Variants in FNDC3B observed in about 807,000 individuals in gnomAD.
FNDC3B encodes fibronectin type III domain-containing protein 3B.
In FNDC3B, 12 loss-of-function variants were observed where a neutral mutation model predicts 151.5. That is an observed-to-expected ratio of 0.08 (90% CI 0.05 to 0.13). The LOEUF (loss-of-function observed/expected upper bound fraction) is 0.13, where lower values mean the gene tolerates loss of function less well. FNDC3B is among the 10% of genes least tolerant of loss of function. The pLI is 1.00. For missense variants in FNDC3B, 1,214 were observed against 1,505.3 expected (o/e 0.81, Z 3.20); for synonymous variants, 528 against 549.0 (o/e 0.96, Z 0.54).
At chr3:172,199,925 T>A (rs9853317) in intron 3 of FNDC3B, among the ~76,000 whole-genome samples, 7 of 152,182 alleles carry the variant, frequency 4.6e-5, no homozygotes. Context: ...ATATGGTGGG[T>A]TCTCTGCGCG....
chr3:172,088,494 A>G (rs1231577756), intron 1 of FNDC3B, among the ~76,000 whole-genome samples: 1 of 152,328 alleles, frequency 6.6e-6, no homozygotes, highest in Non-Finnish European at 1.5e-5. Context: ...ATTAAATGTA[A>G]TGCCCATACA....
chr3:172,342,091 A>G (rs1365808506), intron 17 of FNDC3B, among the ~76,000 whole-genome samples: 1 of 152,222 alleles, frequency 6.6e-6, no homozygotes, highest in African/African-American at 2.4e-5. Context: ...TTTCAAGAGA[A>G]TACCTGCCAT....
intron 3 of FNDC3B, among the ~76,000 whole-genome samples, chr3:172,164,409 A>G (rs574458299): frequency 3.3e-5 from 5 of 152,314 alleles, no homozygotes; most frequent in Admixed American, 1.3e-4. Context: ...AGTATTCTCA[A>G]TATTAGGAAG....
intron 4 of FNDC3B, among the ~76,000 whole-genome samples, chr3:172,244,158 A>G (rs1332911816): frequency 6.6e-6 from 1 of 152,164 alleles, no homozygotes; most frequent in Non-Finnish European, 1.5e-5. Context: ...TTGAATATCC[A>G]GTCCTTAGCA....
rs141167349 is a variant in FNDC3B at position 172,064,297 on chromosome 3, C to T, written c.-29+24526C>T. ...GCCTTGATTTTGGACTTACCAACCC[C>T]GAGAACTGTAAGAAATGAATTTCTG... On this transcript the variant is annotated intron_variant, in intron 1 of 25. Transcript: ENST00000415807. Among the ~76,000 whole-genome samples the T allele has an allele frequency of 2.4e-3, 372 of 152,156 alleles. 7 individuals carry two copies. Among genetic ancestry groups the T allele is most frequent in the Admixed American group, 0.02 (303 of 15,282 alleles).
intron 3 of FNDC3B, among the ~76,000 whole-genome samples, chr3:172,216,193 G>T (rs990908462): frequency 6.6e-6 from 1 of 152,124 alleles, no homozygotes; most frequent in African/African-American, 2.4e-5. Context: ...GACTTTACTT[G>T]TTAAATATCA....
intron 3 of FNDC3B, among the ~76,000 whole-genome samples, chr3:172,147,298 C>A (rs1721962954): frequency 7.5e-6 from 1 of 132,640 alleles, no homozygotes; most frequent in African/African-American, 2.9e-5. Context: ...AGAGTGAGAC[C>A]CTGTCTCCAA....
chr3:172,224,896 G>A (rs1726471930), intron 3 of FNDC3B, among the ~76,000 whole-genome samples: 1 of 152,176 alleles, frequency 6.6e-6, no homozygotes, highest in Non-Finnish European at 1.5e-5. Flanking sequence ...AAATAGGCGA[G>A]CCAGCCACCA....
intron 1 of FNDC3B, among the ~76,000 whole-genome samples, chr3:172,066,658 A>G (rs1386370666): frequency 6.6e-6 from 1 of 152,228 alleles, no homozygotes; most frequent in African/African-American, 2.4e-5. Flanking sequence ...GACTGCTTTC[A>G]GTTACTCTTG....
chr3:172,378,295 A>G lies in FNDC3B; in HGVS notation c.3034A>G (p.Ser1012Gly), dbSNP rs1477376536. Residue 1012 changes from serine to glycine, a missense_variant, in exon 24 of 26, where the codon AGC becomes GGC. Ser to Gly is a moderately conservative substitution (Grantham distance 56). Coordinates refer to ENST00000415807, the MANE Select transcript of FNDC3B (RefSeq NM_022763.4). ...GTTTATTTCAATCTACAGAGGACCC[A>G]GCCACACCTACAAGGTCCAGAGACT... ...KRFISIYRGPSHTYKVQRLTE... is the reference protein window; with the variant it reads ...KRFISIYRGPGHTYKVQRLTE... 4.3e-6 allele frequency: 7 copies of G among 1,609,690 alleles called. No individual in the cohort carries two copies. The highest frequency in any genetic ancestry group is 5.9e-6 in the Non-Finnish European group (7 of 1,178,692).
intron 3 of FNDC3B, among the ~76,000 whole-genome samples, chr3:172,189,799 TAAAAAAAAAAAAAAAAAAAAAA>T (rs60894339): frequency 2.4e-5 from 2 of 84,296 alleles, no homozygotes; most frequent in African/African-American, 4.8e-5. Context: ...AGACCTTGTC[TAAAAAAAAAAAAAAAAAAAAAA>T]AAAAAAAAAA....
chr3:172,046,717 TCA>T (rs1241137258), intron 1 of FNDC3B, among the ~76,000 whole-genome samples: 1 of 152,190 alleles, frequency 6.6e-6, no homozygotes, highest in Non-Finnish European at 1.5e-5. Flanking sequence ...TGGTGTTGAG[TCA>T]CAGTGTTATT....
intron 25 of FNDC3B, among the ~76,000 whole-genome samples, chr3:172,393,370 C>T (rs1012421278): frequency 6.6e-6 from 1 of 152,130 alleles, no homozygotes; most frequent in African/African-American, 2.4e-5. Flanking sequence ...CACCTAAATA[C>T]ATAAAATATT....
At chr3:172,042,760 C>T (rs963923460) in intron 1 of FNDC3B, among the ~76,000 whole-genome samples, 1 of 151,966 alleles carries the variant, frequency 6.6e-6, no homozygotes, top group Admixed American at 6.5e-5. Context: ...TGCTGTCCAG[C>T]ATAGCAGCCA....
intron 12 of FNDC3B, chr3:172,329,347 G>A (rs1732518536): frequency 2.8e-6 from 1 of 361,172 alleles, no homozygotes; most frequent in South Asian, 1.5e-4. Context: ...ATCTTGAAAG[G>A]AATTCCTCTT....
intron 6 of FNDC3B, among the ~76,000 whole-genome samples, chr3:172,283,477 G>C (rs369596368): frequency 6.6e-6 from 1 of 152,264 alleles, no homozygotes; most frequent in South Asian, 2.1e-4. Flanking sequence ...TGTGTGTTGA[G>C]TAGGTGATCA....
chr3:172,295,911 T>A (rs1194249886), intron 8 of FNDC3B, among the ~76,000 whole-genome samples: 2 of 152,234 alleles, frequency 1.3e-5, no homozygotes, highest in African/African-American at 4.8e-5. Flanking sequence ...ACAATATGTT[T>A]CCTTCTGTTT....
intron 3 of FNDC3B, chr3:172,134,212 A>G (rs1324111075): frequency 2.7e-6 from 1 of 374,186 alleles, no homozygotes; most frequent in East Asian, 7.5e-5. Flanking sequence ...TAGTTATTTT[A>G]TTACAGCTCC....
chr3:172,109,657 C>T (rs1169147309), intron 1 of FNDC3B, among the ~76,000 whole-genome samples: 2 of 152,180 alleles, frequency 1.3e-5, no homozygotes, highest in Non-Finnish European at 2.9e-5. Flanking sequence ...CATATGTTCC[C>T]ACTTGATCTT....
Sources: allele counts gnomAD v4.1 joint callset (sites outside exome capture counted in the v4.1 genomes callset), GRCh38; gene constraint gnomAD v4.1.1; transcripts MANE v1.5; gene names NCBI Gene and HGNC (gene_info 2026-07-23, HGNC 2026-07-21).